The following ZNF385D variants were observed in gnomAD, a reference collection of about 807,000 sequenced individuals.
ZNF385D encodes zinc finger protein 659.
ZNF385D carries 15 observed loss-of-function variants against 35.8 expected under a neutral mutation model. The observed-to-expected ratio is 0.42, with a 90% CI of 0.28 to 0.64. The LOEUF is 0.64. Among genes scored for constraint, ZNF385D ranks in the 30% least tolerant of loss-of-function variants. The probability of loss-of-function intolerance (pLI) is 0.23; values close to 1 mark genes in which losing one functional copy is unlikely to be tolerated. For synonymous variants in ZNF385D, 212 were observed against 186.8 expected, an observed-to-expected ratio of 1.13 and a Z score of -1.10; for missense variants, 474 against 494.6, an observed-to-expected ratio of 0.96 and a Z score of 0.39.
chr3:21,557,828 C>T (rs956968908), intron 3 of ZNF385D, among the ~76,000 whole-genome samples: 6 of 152,196 alleles, frequency 3.9e-5, no homozygotes, highest in African/African-American at 1.4e-4. Context: ...AATTAACTGC[C>T]TCAATTTCAG....
At chr3:21,602,564 CG>C (rs2064340159) in intron 2 of ZNF385D, among the ~76,000 whole-genome samples, 1 of 105,040 alleles carries the variant, frequency 9.5e-6, no homozygotes, top group African/African-American at 4.1e-5. Flanking sequence ...CTTGCTCTGT[CG>C]CCCAGGCCGG....
At position 22,193,681 on chromosome 3, in the gene ZNF385D, T is replaced by C. The variant is rs564034663; in HGVS notation, c.107-24646A>G. Among the ~76,000 whole-genome samples the C allele has an allele frequency of 2.0e-4, 31 of 152,164 alleles. No individual in the cohort carries two copies. The South Asian group carries it at 6.4e-3, about 32-fold the overall frequency. On this transcript the variant is annotated intron_variant, in intron 2 of 5. Transcript: ENST00000494108. Reference sequence around the variant, plus strand: ...TGAAACTTTAGGAATGAGTTCAATATTCTATTATATATTGGGGCTCTTCTC... The same window carrying C: ...TGAAACTTTAGGAATGAGTTCAATACTCTATTATATATTGGGGCTCTTCTC...
intron 2 of ZNF385D, among the ~76,000 whole-genome samples, chr3:21,570,008 G>T (rs1172038891): frequency 6.6e-6 from 1 of 151,210 alleles, no homozygotes; most frequent in Non-Finnish European, 1.5e-5. Context: ...GTATACATAC[G>T]TAACTAACCT....
At chr3:21,891,551 CT>C (rs1463779889) in intron 3 of ZNF385D, among the ~76,000 whole-genome samples, 1 of 152,056 alleles carries the variant, frequency 6.6e-6, no homozygotes, top group Non-Finnish European at 1.5e-5. Context: ...GGGTTTATTT[CT>C]GTTTTACTTG....
chr3:22,113,612 C>T (rs940783942), intron 3 of ZNF385D, among the ~76,000 whole-genome samples: 10 of 152,036 alleles, frequency 6.6e-5, no homozygotes, highest in Admixed American at 3.9e-4. Flanking sequence ...AGACAATGAG[C>T]AGCACAGCAA....
At chr3:22,229,752 A>T (rs75807733) in intron 2 of ZNF385D, among the ~76,000 whole-genome samples, 1 of 152,126 alleles carries the variant, frequency 6.6e-6, no homozygotes, top group East Asian at 1.9e-4. Flanking sequence ...CATTTTTTTT[A>T]GATGTCTCCA....
chr3:22,272,965 T>C (rs1271607990), intron 2 of ZNF385D, among the ~76,000 whole-genome samples: 1 of 151,984 alleles, frequency 6.6e-6, no homozygotes, highest in Non-Finnish European at 1.5e-5. Flanking sequence ...TTTTTTCACT[T>C]TCATATTTAT....
chr3:21,519,569 T>C (rs775301280), intron 3 of ZNF385D, among the ~76,000 whole-genome samples: 1 of 152,178 alleles, frequency 6.6e-6, no homozygotes, highest in African/African-American at 2.4e-5. Context: ...GAAGTCCTGA[T>C]TGAGGAACAG....
chr3:22,171,738 G>A (rs1006957323), intron 2 of ZNF385D, among the ~76,000 whole-genome samples: 7 of 151,840 alleles, frequency 4.6e-5, no homozygotes, highest in Non-Finnish European at 1.0e-4. Flanking sequence ...TTAGCCGGGC[G>A]TGGTGCCAGG....
intron 2 of ZNF385D, among the ~76,000 whole-genome samples, chr3:22,240,187 A>AG (rs1699413287): frequency 9.8e-6 from 1 of 101,752 alleles, no homozygotes; most frequent in African/African-American, 4.8e-5. Flanking sequence ...TGTCTCCAAA[A>AG]AAAAAAAAAA....
At chr3:21,590,704 G>A (rs189042009) in intron 2 of ZNF385D, among the ~76,000 whole-genome samples, 37 of 152,038 alleles carry the variant, frequency 2.4e-4, no homozygotes, top group African/African-American at 7.0e-4. Flanking sequence ...GGAGATGAGC[G>A]GAGGATGTAG....
At chr3:21,609,360 G>GA (rs778540945) in intron 2 of ZNF385D, among the ~76,000 whole-genome samples, 17 of 151,950 alleles carry the variant, frequency 1.1e-4, no homozygotes, top group Admixed American at 1.0e-3. Flanking sequence ...ATTATAATAA[G>GA]AAAAAAAGTG....
Position 21,665,021 on chromosome 3 carries a change from T to A in ZNF385D, c.30A>T (p.Thr10=). The A allele has an allele frequency of 6.2e-7, 1 of 1,609,186 alleles. No homozygotes were observed. Among genetic ancestry groups the A allele is most frequent in the Non-Finnish European group, 8.5e-7 (1 of 1,177,610 alleles). Residue 10 remains threonine (T), a synonymous_variant, in exon 2 of 8, where the codon ACA becomes ACT. Coordinates refer to ENST00000281523, the MANE Select transcript of ZNF385D (RefSeq NM_024697.3). ...GGGCCGGGAGAGCAGGACTCTGGCA[T>A]GTACCACCTGTGAAGACCAGAGCAA... MRNIMYFGG[T]CQSPALPALV...
chr3:22,313,365 G>A (rs989684911), intron 2 of ZNF385D, among the ~76,000 whole-genome samples: 3 of 151,676 alleles, frequency 2.0e-5, no homozygotes, highest in East Asian at 3.9e-4. Flanking sequence ...AAACCTGCAC[G>A]TTGTGCACAT....
chr3:21,748,227 C>T (rs925629508), intron 1 of ZNF385D, among the ~76,000 whole-genome samples: 10 of 152,158 alleles, frequency 6.6e-5, no homozygotes, highest in African/African-American at 2.4e-4. Flanking sequence ...AAGTCTGAGA[C>T]AGCACACTAC....
chr3:21,573,269 T>C (rs1215130192), intron 2 of ZNF385D, among the ~76,000 whole-genome samples: 1 of 152,126 alleles, frequency 6.6e-6, no homozygotes, highest in Non-Finnish European at 1.5e-5. Context: ...TTAAGGTGCA[T>C]TAAAAAGCAA....
At chr3:21,697,956 C>T (rs1000160955) in intron 1 of ZNF385D, among the ~76,000 whole-genome samples, 4 of 151,982 alleles carry the variant, frequency 2.6e-5, no homozygotes, top group Non-Finnish European at 2.9e-5. Flanking sequence ...CAACAGATAT[C>T]GTCATGGATA....
chr3:22,083,385 T>C (rs958341565), intron 3 of ZNF385D, among the ~76,000 whole-genome samples: 1 of 152,096 alleles, frequency 6.6e-6, no homozygotes, highest in Non-Finnish European at 1.5e-5. Context: ...GAGAAGACCT[T>C]AAATGACCTG....
At chr3:22,315,254 C>T (rs1027386857) in intron 2 of ZNF385D, among the ~76,000 whole-genome samples, 1 of 152,126 alleles carries the variant, frequency 6.6e-6, no homozygotes, top group African/African-American at 2.4e-5. Context: ...ACAAGTCAGA[C>T]TAGGTGAATG....
Sources: gnomAD v4.1 joint callset for allele counts (sites outside exome capture counted in the v4.1 genomes callset) on GRCh38, gnomAD v4.1.1 for gene constraint, MANE v1.5 for transcripts, NCBI Gene and HGNC (gene_info 2026-07-23, HGNC 2026-07-21) for gene names.